Variants in MAF observed in about 807,000 individuals in gnomAD.
MAF encodes the protein MAF bZIP transcription factor.
A neutral mutation model predicts 22.0 loss-of-function variants in MAF; 10 were observed. That is an observed-to-expected ratio of 0.45 (90% CI 0.28 to 0.77). MAF has a LOEUF of 0.77. Ranked by LOEUF, MAF falls within the 30% of genes least tolerant of loss-of-function variation. The probability of loss-of-function intolerance (pLI) is 0.12; values close to 1 mark genes in which losing one functional copy is unlikely to be tolerated. For missense variants in MAF, 544 were observed against 548.4 expected, an observed-to-expected ratio of 0.99 and a Z score of 0.08; for synonymous variants, 337 against 255.8, an observed-to-expected ratio of 1.32 and a Z score of -3.03.
chr16:79,249,493 C>T, the MAF span, among the ~76,000 whole-genome samples: 6 of 151,734 alleles, frequency 4.0e-5, no homozygotes, highest in African/African-American at 1.5e-4. Context: ...GAGAAAGATC[C>T]ATCTTTGGGG....
chr16:79,587,685 G>A (rs1415482045), intron 1 of MAF, among the ~76,000 whole-genome samples: 1 of 152,028 alleles, frequency 6.6e-6, no homozygotes. Flanking sequence ...CCATATCATT[G>A]ATAGTCTCCG....
At chr16:79,568,088 A>C in the MAF span, among the ~76,000 whole-genome samples, 1 of 152,212 alleles carries the variant, frequency 6.6e-6, no homozygotes. Flanking sequence ...AAAGAGGACA[A>C]TATGTTTTCA....
At chr16:79,256,231 G>A in the MAF span, among the ~76,000 whole-genome samples, 8 of 151,546 alleles carry the variant, frequency 5.3e-5, no homozygotes, top group Non-Finnish European at 1.2e-4. Flanking sequence ...CTCGTGATCC[G>A]CCTGCCTCGG....
the MAF span, among the ~76,000 whole-genome samples, chr16:79,367,230 C>G: frequency 6.6e-6 from 1 of 152,160 alleles, no homozygotes; most frequent in East Asian, 1.9e-4. Context: ...TTGCTGAACA[C>G]CCACTTCTTT....
the MAF span, among the ~76,000 whole-genome samples, chr16:79,209,429 G>GTCTT: frequency 6.6e-6 from 1 of 152,184 alleles, no homozygotes; most frequent in African/African-American, 2.4e-5. Flanking sequence ...GACTGCTTTG[G>GTCTT]TCTTTCCTCA....
the MAF span, among the ~76,000 whole-genome samples, chr16:79,568,674 G>C: frequency 1.3e-5 from 2 of 152,266 alleles, no homozygotes; most frequent in East Asian, 3.9e-4. Context: ...TTTTGCTGCT[G>C]TTCCTGAGTC....
the MAF span, among the ~76,000 whole-genome samples, chr16:79,240,891 A>G: frequency 6.6e-6 from 1 of 152,128 alleles, no homozygotes; most frequent in East Asian, 1.9e-4. Context: ...CATTGGTGAT[A>G]CCCAGGCAAA....
chr16:79,480,045 T>G, the MAF span, among the ~76,000 whole-genome samples: 3 of 152,250 alleles, frequency 2.0e-5, no homozygotes, highest in East Asian at 3.9e-4. Flanking sequence ...TTCTACTCTC[T>G]CCCTTAGGTC....
At chr16:79,223,578 G>GT in the MAF span, among the ~76,000 whole-genome samples, 12 of 152,100 alleles carry the variant, frequency 7.9e-5, no homozygotes, top group African/African-American at 9.6e-5. Context: ...CCAGAAACTG[G>GT]TTTTTTTGCA....
At chr16:79,425,794 T>C in the MAF span, among the ~76,000 whole-genome samples, 3 of 152,144 alleles carry the variant, frequency 2.0e-5, no homozygotes, top group Non-Finnish European at 2.9e-5. Context: ...ACTTTTCCAG[T>C]TTTACAGAGA....
the MAF span, among the ~76,000 whole-genome samples, chr16:79,495,461 A>G: frequency 6.6e-6 from 1 of 152,194 alleles, no homozygotes; most frequent in Non-Finnish European, 1.5e-5. Context: ...GTCTTAAAAA[A>G]TAAATAAAAG....
At chr16:79,500,991 A>G in the MAF span, among the ~76,000 whole-genome samples, 16 of 152,160 alleles carry the variant, frequency 1.1e-4, no homozygotes, top group Non-Finnish European at 2.1e-4. Context: ...CTAAGCAGAA[A>G]AGATCTGACC....
the MAF span, among the ~76,000 whole-genome samples, chr16:79,261,422 G>A: frequency 6.6e-6 from 1 of 152,168 alleles, no homozygotes; most frequent in South Asian, 2.1e-4. Context: ...CAAAGTGCTG[G>A]GATTACGGGC....
At chr16:79,283,847 G>A in the MAF span, among the ~76,000 whole-genome samples, 2 of 151,950 alleles carry the variant, frequency 1.3e-5, no homozygotes, top group African/African-American at 4.8e-5. Flanking sequence ...TCACCAAGCT[G>A]CTTGGCCTGT....
At chr16:79,504,006 A>G in the MAF span, among the ~76,000 whole-genome samples, 5 of 152,342 alleles carry the variant, frequency 3.3e-5, no homozygotes, top group South Asian at 2.1e-4. Context: ...CTCAGTAAAT[A>G]TCCCCAAATT....
the MAF span, among the ~76,000 whole-genome samples, chr16:79,402,987 G>A: frequency 0.54 from 82,455 of 151,684 alleles, 22,808 homozygotes; most frequent in East Asian, 0.74. Context: ...GTTCTGGCAT[G>A]GAGAGGGGCT....
chr16:79,465,011 A>G, the MAF span, among the ~76,000 whole-genome samples: 1 of 152,246 alleles, frequency 6.6e-6, no homozygotes, highest in Non-Finnish European at 1.5e-5. Context: ...ATGAACTTCT[A>G]GGTGGATAGT....
the MAF span, chr16:79,211,811 G>A: frequency 5.6e-5 from 91 of 1,613,898 alleles, 1 homozygote; most frequent in African/African-American, 4.7e-4. Context: ...AGCTCAGAGC[G>A]GATGGGCACA....
chr16:79,571,729 T>C, the MAF span, among the ~76,000 whole-genome samples: 1 of 152,090 alleles, frequency 6.6e-6, no homozygotes, highest in Non-Finnish European at 1.5e-5. Flanking sequence ...GTTTCCAGCC[T>C]TGGCATCACC....
Sources: allele counts gnomAD v4.1 joint callset (sites outside exome capture counted in the v4.1 genomes callset), GRCh38; gene constraint gnomAD v4.1.1; transcripts MANE v1.5; gene names NCBI Gene and HGNC (gene_info 2026-07-23, HGNC 2026-07-21).